The following RCAN2 variants were observed in gnomAD, a reference collection of about 807,000 sequenced individuals.
The protein encoded by RCAN2 is regulator of calcineurin 2.
Under a neutral mutation model 23.6 loss-of-function variants are expected in RCAN2, and 9 were observed. The ratio of observed to expected loss-of-function variants is 0.38; its 90% CI spans 0.23 to 0.67. The LOEUF is 0.67. Ranked by LOEUF, RCAN2 falls within the 30% of genes least tolerant of loss-of-function variation. The probability of loss-of-function intolerance (pLI) is 0.51; values close to 1 mark genes in which losing one functional copy is unlikely to be tolerated. For synonymous variants in RCAN2, 109 were observed against 115.7 expected, an observed-to-expected ratio of 0.94 and a Z score of 0.37; for missense variants, 273 against 302.3, an observed-to-expected ratio of 0.90 and a Z score of 0.72.
intron 2 of RCAN2, among the ~76,000 whole-genome samples, chr6:46,339,396 GT>G (rs905702187): frequency 6.6e-6 from 1 of 151,932 alleles, no homozygotes; most frequent in Admixed American, 6.6e-5. Flanking sequence ...GAGGTAAGTG[GT>G]TTTTTAGTTT....
chr6:46,467,074 C>T (rs1429182410), intron 1 of RCAN2, among the ~76,000 whole-genome samples: 1 of 152,142 alleles, frequency 6.6e-6, no homozygotes, highest in Non-Finnish European at 1.5e-5. Flanking sequence ...TTGTCTTGCG[C>T]TTGCACCTCT....
intron 1 of RCAN2, among the ~76,000 whole-genome samples, chr6:46,460,480 C>T (rs1055485582): frequency 6.6e-6 from 1 of 152,168 alleles, no homozygotes; most frequent in Non-Finnish European, 1.5e-5. Flanking sequence ...GGTTGGCCAT[C>T]CAAAGGAGAA....
intron 4 of RCAN2, among the ~76,000 whole-genome samples, chr6:46,243,394 G>C (rs1311241599): frequency 6.6e-6 from 1 of 152,132 alleles, no homozygotes; most frequent in African/African-American, 2.4e-5. Context: ...CACAATATCA[G>C]TCATACTTAA....
At chr6:46,448,205 A>C (rs1582209998) in intron 2 of RCAN2, among the ~76,000 whole-genome samples, 1 of 151,870 alleles carries the variant, frequency 6.6e-6, no homozygotes, top group East Asian at 1.9e-4. Flanking sequence ...ACTATGAACA[A>C]TTATATGCCA....
chr6:46,432,973 A>G (rs144380760), intron 2 of RCAN2, among the ~76,000 whole-genome samples: 96 of 152,260 alleles, frequency 6.3e-4, no homozygotes, highest in African/African-American at 2.2e-3. Context: ...GTACATTATT[A>G]TTTTACTTTT....
intron 2 of RCAN2, among the ~76,000 whole-genome samples, chr6:46,348,967 G>A (rs752950232): frequency 7.4e-4 from 113 of 152,034 alleles, no homozygotes; most frequent in Non-Finnish European, 1.1e-3. Context: ...TAAGTATATC[G>A]ATACTACATC....
intron 2 of RCAN2, among the ~76,000 whole-genome samples, chr6:46,249,284 C>A (rs1238124306): frequency 1.4e-5 from 2 of 146,946 alleles, no homozygotes; most frequent in Non-Finnish European, 3.0e-5. Context: ...GATTACCAAT[C>A]TTGGGGGCAC....
At chr6:46,373,655 A>G (rs1453105339) in intron 2 of RCAN2, among the ~76,000 whole-genome samples, 1 of 152,212 alleles carries the variant, frequency 6.6e-6, no homozygotes, top group Admixed American at 6.5e-5. Flanking sequence ...TAAGTAATCA[A>G]TGAAGATGGT....
At chr6:46,482,033 A>T (rs938486130) in intron 1 of RCAN2, among the ~76,000 whole-genome samples, 1 of 152,118 alleles carries the variant, frequency 6.6e-6, no homozygotes, top group South Asian at 2.1e-4. Context: ...CACTCAAAGG[A>T]CTGGCTGATC....
chr6:46,308,387 T>C (rs1763133646), intron 2 of RCAN2, among the ~76,000 whole-genome samples: 1 of 152,278 alleles, frequency 6.6e-6, no homozygotes, highest in South Asian at 2.1e-4. Context: ...GCATGAACTC[T>C]TCTCTTAGAC....
intron 1 of RCAN2, among the ~76,000 whole-genome samples, chr6:46,467,472 G>C (rs549860545): frequency 1.3e-5 from 2 of 152,354 alleles, no homozygotes; most frequent in African/African-American, 4.8e-5. Context: ...ACTATTATAA[G>C]TGTTAACCAT....
At chr6:46,298,636 A>T (rs181646910) in intron 2 of RCAN2, among the ~76,000 whole-genome samples, 1 of 152,180 alleles carries the variant, frequency 6.6e-6, no homozygotes, top group Non-Finnish European at 1.5e-5. Context: ...AAATTACCCA[A>T]CTTAAAACAC....
At chr6:46,233,889 G>A (rs999033858) in intron 4 of RCAN2, among the ~76,000 whole-genome samples, 5 of 152,030 alleles carry the variant, frequency 3.3e-5, no homozygotes, top group East Asian at 1.9e-4. Flanking sequence ...GATCACACCC[G>A]GCTAATTTTT....
intron 1 of RCAN2, among the ~76,000 whole-genome samples, chr6:46,483,715 A>G (rs911459986): frequency 2.0e-5 from 3 of 152,256 alleles, no homozygotes; most frequent in African/African-American, 7.2e-5. Flanking sequence ...AAGCTACCAA[A>G]AAAACACATT....
intron 4 of RCAN2, among the ~76,000 whole-genome samples, chr6:46,238,193 T>C (rs959504493): frequency 1.2e-4 from 18 of 152,178 alleles, no homozygotes; most frequent in African/African-American, 4.3e-4. Context: ...TGGGAAGGCA[T>C]AGAGGAGTGA....
At chr6:46,367,451 G>A (rs547795846) in intron 2 of RCAN2, among the ~76,000 whole-genome samples, 21 of 152,224 alleles carry the variant, frequency 1.4e-4, no homozygotes, top group African/African-American at 5.1e-4. Flanking sequence ...GAAAGCTCTT[G>A]AAAGTCCCAG....
At chr6:46,347,754 AAAAC>A (rs148499814) in intron 2 of RCAN2, among the ~76,000 whole-genome samples, 63,914 of 151,690 alleles carry the variant, frequency 0.42, 14,844 homozygotes, top group East Asian at 0.6. Context: ...AACAAAAACA[AAAAC>A]AAACAAACAA....
In RCAN2 at chr6:46,262,659, C is replaced by A. The variant is rs78869287; in HGVS notation, c.226-13763G>T. On this transcript the variant is annotated intron_variant, in intron 2 of 4. Coordinates refer to ENST00000371374, the MANE Select transcript of RCAN2 (RefSeq NM_001251974.2). ...GATTATACCATTCCTCTATAAAATTCTTTAGTGGCTCCCCACAGCTTTTAG... is the reference window on the plus strand; with the variant it reads ...GATTATACCATTCCTCTATAAAATTATTTAGTGGCTCCCCACAGCTTTTAG... 2.9e-3 allele frequency among the ~76,000 whole-genome samples: 433 copies of A among 151,696 alleles called. 1 individual carries two copies. Among genetic ancestry groups the A allele is most frequent in the Middle Eastern group, 0.014 (4 of 294 alleles).
At chr6:46,439,064 A>G (rs1767453426) in intron 2 of RCAN2, among the ~76,000 whole-genome samples, 1 of 152,196 alleles carries the variant, frequency 6.6e-6, no homozygotes, top group African/African-American at 2.4e-5. Context: ...TAATCAGAAA[A>G]CAGCCTTTAG....
Sources: gnomAD v4.1 joint callset for allele counts (sites outside exome capture counted in the v4.1 genomes callset) on GRCh38, gnomAD v4.1.1 for gene constraint, MANE v1.5 for transcripts, NCBI Gene and HGNC (gene_info 2026-07-23, HGNC 2026-07-21) for gene names.